The following ATP6V0E1 variants were observed in gnomAD, a reference collection of about 807,000 sequenced individuals.
ATP6V0E1 encodes the protein V-type proton ATPase subunit e 1.
In ATP6V0E1, 4 loss-of-function variants were observed where a neutral mutation model predicts 11.6. The ratio of observed to expected loss-of-function variants is 0.35; its 90% CI spans 0.17 to 0.79. The LOEUF (loss-of-function observed/expected upper bound fraction) is 0.79, where lower values mean the gene tolerates loss of function less well. ATP6V0E1 is among the 30% of genes least tolerant of loss of function. The pLI, the probability that ATP6V0E1 is intolerant of heterozygous loss-of-function variation, is 0.54. For missense variants in ATP6V0E1, 105 were observed against 100.0 expected (o/e 1.05, Z -0.21); for synonymous variants, 36 against 34.8 (o/e 1.04, Z -0.13).
At chr5:173,009,213 G>A (rs74637411) in intron 2 of ATP6V0E1, among the ~76,000 whole-genome samples, 16,668 of 151,664 alleles carry the variant, frequency 0.11, 1,065 homozygotes, top group Middle Eastern at 0.19. Flanking sequence ...GCAACAGAGC[G>A]AGCCTGTCTC....
chr5:172,992,836 C>T (rs143802775), intron 1 of ATP6V0E1, among the ~76,000 whole-genome samples: 8 of 152,136 alleles, frequency 5.3e-5, no homozygotes, highest in East Asian at 1.9e-4. Flanking sequence ...CTTGCTCTGT[C>T]GCCCATGCTG....
intron 3 of ATP6V0E1, among the ~76,000 whole-genome samples, chr5:173,033,698 G>A (rs986633328): frequency 1.3e-5 from 2 of 151,964 alleles, no homozygotes; most frequent in African/African-American, 4.8e-5. Context: ...ATAAAAATTA[G>A]CCGAATGTGT....
chr5:172,994,834 TTTC>T lies in ATP6V0E1; in HGVS notation c.152+15_152+17del, dbSNP rs1232272038. ...TGCTGCTATCTCTTGTAAGTAATTTTTTCTTAAGTAATTATTCTTGGTATTTGT... is the reference window on the plus strand; with the variant it reads ...TGCTGCTATCTCTTGTAAGTAATTTTTTAAGTAATTATTCTTGGTATTTGT... On this transcript the variant is annotated intron_variant, in intron 2 of 3. Transcript: ENST00000519374. The T allele has an allele frequency of 1.8e-5, 28 of 1,593,016 alleles. No homozygotes were observed. The highest frequency in any genetic ancestry group is 2.4e-5 in the Non-Finnish European group (28 of 1,167,652).
intron 3 of ATP6V0E1, among the ~76,000 whole-genome samples, chr5:173,023,910 T>A (rs1379503240): frequency 1.3e-5 from 2 of 151,668 alleles, no homozygotes; most frequent in South Asian, 4.2e-4. Context: ...GAAATATAGA[T>A]CATGGGGCCG....
At chr5:172,998,001 G>A (rs951356734) in intron 2 of ATP6V0E1, among the ~76,000 whole-genome samples, 6 of 151,632 alleles carry the variant, frequency 4.0e-5, no homozygotes, top group Non-Finnish European at 7.4e-5. Context: ...CCCAGCTACC[G>A]GGAAGGTGGA....
In ATP6V0E1 at chr5:173,020,300, C is replaced by T; in HGVS notation, c.215C>T (p.Thr72Ile). 6.2e-7 allele frequency: 1 copy of T among 1,613,868 alleles called. No individual in the cohort carries two copies. Among genetic ancestry groups the T allele is most frequent in the Non-Finnish European group, 8.5e-7 (1 of 1,179,772 alleles). Reference sequence around the variant, plus strand: ...TTTGGACCGCAATTGAAAAATGAAACCATCTGGTATCTGAAGTATCATTGG... The same window carrying T: ...TTTGGACCGCAATTGAAAAATGAAATCATCTGGTATCTGAAGTATCATTGG... ...PLFGPQLKNETIWYLKYHWP is the reference protein window; with the variant it reads ...PLFGPQLKNEIIWYLKYHWP Residue 72 changes from threonine to isoleucine, a missense_variant, in exon 3 of 4, where the codon ACC (threonine) becomes ATC (isoleucine). Physicochemically the swap from Thr to Ile is moderately conservative, Grantham distance 89 (BLOSUM62 -1). Coordinates refer to ENST00000519374, the MANE Select transcript of ATP6V0E1 (RefSeq NM_003945.4).
At chr5:172,984,929 T>C (rs944170569) in intron 1 of ATP6V0E1, among the ~76,000 whole-genome samples, 2 of 152,202 alleles carry the variant, frequency 1.3e-5, no homozygotes, top group East Asian at 3.8e-4. Context: ...GTTGAGTGAA[T>C]AGTTCTATTG....
intron 2 of ATP6V0E1, among the ~76,000 whole-genome samples, chr5:173,006,469 G>C (rs1379684495): frequency 6.6e-6 from 1 of 152,148 alleles, no homozygotes; most frequent in Non-Finnish European, 1.5e-5. Context: ...AATTAGCCAG[G>C]CGTGGTGGTG....
chr5:173,032,256 T>TA (rs201810156), intron 3 of ATP6V0E1, among the ~76,000 whole-genome samples: 2 of 100,512 alleles, frequency 2.0e-5, no homozygotes, highest in Non-Finnish European at 4.3e-5. Context: ...TTATTTTATT[T>TA]ATTTATTTAT....
intron 2 of ATP6V0E1, 86 bp downstream of exon 2, chr5:172,994,908 T>G: frequency 9.5e-7 from 1 of 1,054,382 alleles, no homozygotes. Flanking sequence ...TCATCCCTCA[T>G]GTAATATCTA....
intron 3 of ATP6V0E1, among the ~76,000 whole-genome samples, chr5:173,034,185 T>C (rs1394013124): frequency 6.6e-6 from 1 of 152,234 alleles, no homozygotes; most frequent in African/African-American, 2.4e-5. Context: ...TTACTTGTGC[T>C]CCTCATTTCA....
chr5:172,991,619 G>A (rs1482223447), intron 1 of ATP6V0E1, among the ~76,000 whole-genome samples: 1 of 152,040 alleles, frequency 6.6e-6, no homozygotes, highest in East Asian at 1.9e-4. Flanking sequence ...TGGGTGGAGG[G>A]AGTCAGTTAC....
intron 1 of ATP6V0E1, among the ~76,000 whole-genome samples, chr5:172,991,896 C>G (rs959568115): frequency 2.0e-5 from 3 of 152,158 alleles, no homozygotes; most frequent in African/African-American, 7.2e-5. Context: ...GCAGAGAGAT[C>G]CCTTAGAATT....
chr5:173,024,067 G>A (rs1287945280), intron 3 of ATP6V0E1, among the ~76,000 whole-genome samples: 1 of 151,826 alleles, frequency 6.6e-6, no homozygotes, highest in Non-Finnish European at 1.5e-5. Flanking sequence ...GCATGGTGGT[G>A]GGCGCCTGTA....
chr5:172,985,323 TG>T (rs999537785), intron 1 of ATP6V0E1, among the ~76,000 whole-genome samples: 10 of 152,130 alleles, frequency 6.6e-5, no homozygotes, highest in Admixed American at 3.9e-4. Context: ...TTTTGCTCCC[TG>T]GGATACATTT....
At chr5:173,024,197 C>CAAAA (rs56837002) in intron 3 of ATP6V0E1, among the ~76,000 whole-genome samples, 8 of 73,114 alleles carry the variant, frequency 1.1e-4, no homozygotes, top group Admixed American at 1.7e-4. Flanking sequence ...GACTCCGTCT[C>CAAAA]AAAAAAAAAA....
chr5:173,023,419 C>T lies in ATP6V0E1; in HGVS notation c.*36+3052C>T, dbSNP rs541416165. On this transcript the variant is annotated intron_variant, in intron 3 of 3. Coordinates refer to ENST00000519374, the MANE Select transcript of ATP6V0E1 (RefSeq NM_003945.4). ...CCATGTTGGCCAGGCTGGTCTCAAA[C>T]TCCTGACCTCAGGTGATCCACCCGC... Among the ~76,000 whole-genome samples, 5 of 152,340 alleles carry T rather than the reference C, an allele frequency of 3.3e-5. No homozygotes were observed. The East Asian group carries it at 7.7e-4, about 24-fold the overall frequency.
At chr5:172,985,421 G>A (rs893721956) in intron 1 of ATP6V0E1, among the ~76,000 whole-genome samples, 1 of 152,002 alleles carries the variant, frequency 6.6e-6, no homozygotes, top group African/African-American at 2.4e-5. Context: ...CCTCCTCCCT[G>A]GTAACACCAG....
At chr5:173,026,815 T>C (rs530975939) in intron 3 of ATP6V0E1, among the ~76,000 whole-genome samples, 2 of 152,316 alleles carry the variant, frequency 1.3e-5, no homozygotes, top group African/African-American at 4.8e-5. Flanking sequence ...TTTAAAGATA[T>C]ATATGATTTT....
Sources: gnomAD v4.1 joint callset for allele counts (sites outside exome capture counted in the v4.1 genomes callset) on GRCh38, gnomAD v4.1.1 for gene constraint, MANE v1.5 for transcripts, NCBI Gene and HGNC (gene_info 2026-07-23, HGNC 2026-07-21) for gene names.